Variants in PAFAH1B2 observed in about 807,000 individuals in gnomAD.
The protein encoded by PAFAH1B2 is platelet-activating factor acetylhydrolase IB subunit alpha2.
A neutral mutation model predicts 28.0 loss-of-function variants in PAFAH1B2; 8 were observed. The observed-to-expected ratio is 0.29, with a 90% CI of 0.17 to 0.52. PAFAH1B2 has a LOEUF of 0.52. PAFAH1B2 is among the 20% of genes least tolerant of loss of function. The pLI is 0.97. For missense variants in PAFAH1B2, 190 were observed against 282.6 expected (o/e 0.67, Z 2.35); for synonymous variants, 104 against 103.2 (o/e 1.01, Z -0.05).
At position 117,160,160 on chromosome 11, in the gene PAFAH1B2, A is replaced by G. The variant is rs111874086; in HGVS notation, c.171+137A>G. ...CTAATTGAGGTTATAAGAGAATCAA[A>G]GCTACCTAAAGGGATTTTCTTTTCT... On this transcript the variant is annotated intron_variant, in intron 3 of 5. Coordinates refer to ENST00000527958, the MANE Select transcript of PAFAH1B2 (RefSeq NM_002572.4). 1,833 of 675,626 alleles carry G rather than the reference A, an allele frequency of 2.7e-3. 9 individuals carry two copies. The highest frequency in any genetic ancestry group is 3.9e-3 in the Non-Finnish European group (1,447 of 374,728). The allele number at this position is 675,626 out of a possible 1,614,324, so 41.9% of individuals were successfully genotyped here. A position where few individuals can be genotyped will look rare whatever the true frequency, so the allele number is the denominator to read the frequency against.
Position 117,169,869 on chromosome 11 carries a change from C to T in PAFAH1B2, c.*2170C>T. 1 of 1,054,912 alleles carries T rather than the reference C, an allele frequency of 9.5e-7. No homozygotes were observed. The highest frequency in any genetic ancestry group is 1.1e-6 in the Non-Finnish European group (1 of 872,814). The allele number at this position is 1,054,912 out of a possible 1,614,324, so 65.3% of individuals were successfully genotyped here. Reference sequence around the variant, plus strand: ...AGGTGGGAGTATGGTCCAAATAAATCCATTAGGTTACTCCTGCAGCATGCG... The same window carrying T: ...AGGTGGGAGTATGGTCCAAATAAATTCATTAGGTTACTCCTGCAGCATGCG... On this transcript the variant is annotated 3_prime_UTR_variant, in exon 6 of 6. Transcript: ENST00000527958.
intron 1 of PAFAH1B2, among the ~76,000 whole-genome samples, chr11:117,149,431 T>TG: frequency 3.4e-5 from 1 of 29,578 alleles, no homozygotes; most frequent in Non-Finnish European, 8.7e-5. Context: ...TTTCTAATCG[T>TG]TTTTTTTTTT....
rs1387224083 is a variant in PAFAH1B2, at chr11:117,147,594, G to A, written c.-8+3176G>A. On this transcript the variant is annotated intron_variant, in intron 1 of 5. Coordinates refer to ENST00000527958, the MANE Select transcript of PAFAH1B2 (RefSeq NM_002572.4). ...GCTTTGTTCTTAAAGAGGAGATTGT[G>A]TGAGTTTGTGGCTCAGTTTTTCTTT... Among the ~76,000 whole-genome samples the A allele has an allele frequency of 2.0e-5, 3 of 152,208 alleles. No individual in the cohort carries two copies. The East Asian group carries it at 5.8e-4, about 29-fold the overall frequency.
chr11:117,166,674 T>C (rs1451935719), intron 5 of PAFAH1B2, among the ~76,000 whole-genome samples: 1 of 152,178 alleles, frequency 6.6e-6, no homozygotes, highest in Non-Finnish European at 1.5e-5. Flanking sequence ...TATTCCAGGG[T>C]TATTCCAGGG....
chr11:117,173,405 A>T (rs1273387637), downstream of PAFAH1B2, among the ~76,000 whole-genome samples: 1 of 152,248 alleles, frequency 6.6e-6, no homozygotes, highest in Non-Finnish European at 1.5e-5. Flanking sequence ...TACTTAGGAC[A>T]GTAGAGACCA....
chr11:117,149,429 C>CTTTTTTTTTTTTTTTTTT (rs1565260556), intron 1 of PAFAH1B2, among the ~76,000 whole-genome samples: 2 of 33,516 alleles, frequency 6.0e-5, no homozygotes, highest in African/African-American at 1.1e-4. Flanking sequence ...GTTTTCTAAT[C>CTTTTTTTTTTTTTTTTTT]GTTTTTTTTT....
chr11:117,148,045 C>CTTTTTTTT (rs1046335152), intron 1 of PAFAH1B2, among the ~76,000 whole-genome samples: 1 of 136,830 alleles, frequency 7.3e-6, no homozygotes, highest in African/African-American at 2.7e-5. Context: ...TATCTTTTTT[C>CTTTTTTTT]TTTTTTTTTT....
intron 5 of PAFAH1B2, among the ~76,000 whole-genome samples, chr11:117,166,418 G>A (rs1160362548): frequency 1.3e-5 from 2 of 152,200 alleles, no homozygotes; most frequent in East Asian, 3.9e-4. Flanking sequence ...TGTTAATTAT[G>A]GTGTTGTCCA....
intron 2 of PAFAH1B2, 178 bp from the exon 3 acceptor site, chr11:117,159,753 AAAG>A: frequency 1.9e-6 from 1 of 521,214 alleles, no homozygotes. Flanking sequence ...AAAAAAAAAG[AAAG>A]AAAAAAGTTG....
intron 2 of PAFAH1B2, among the ~76,000 whole-genome samples, chr11:117,152,961 G>A (rs541296716): frequency 6.6e-6 from 1 of 152,270 alleles, no homozygotes; most frequent in South Asian, 2.1e-4. Context: ...AGTTACTGAG[G>A]AGGCTGAGGC....
At chr11:117,167,387 A>G in intron 5 of PAFAH1B2, 34 bp from the exon 6 acceptor site, 2 of 1,504,112 alleles carry the variant, frequency 1.3e-6, no homozygotes, top group South Asian at 1.4e-5. Context: ...AAATAAGTGA[A>G]TCTTCTAATT....
At chr11:117,172,539 A>G (rs746523081), downstream of PAFAH1B2, among the ~76,000 whole-genome samples, 3 of 151,780 alleles carry the variant, frequency 2.0e-5, no homozygotes, top group Non-Finnish European at 4.4e-5. Context: ...AAGCCATTAA[A>G]TGTAACATCT....
At chr11:117,175,263 G>A (rs978575923), downstream of PAFAH1B2, 1 of 1,080,560 alleles carries the variant, frequency 9.3e-7, no homozygotes, top group Middle Eastern at 4.1e-4. Context: ...CATCTCCCCT[G>A]TGTGCTCACA....
Position 117,167,492 on chromosome 11 carries a change from G to T in PAFAH1B2, c.483G>T (p.Lys161Asn). ...ACGCCAAGGTGAACCAACTCCTCAA[G>T]GTTTCGCTGCCGAAGCTTGCCAACG... The part of the protein sequence containing the change: ...QKNAKVNQLL[K>N]VSLPKLANVQ... Residue 161 changes from lysine (K) to asparagine (N), a missense_variant, in exon 6 of 6, where the codon AAG (lysine) becomes AAT (asparagine). Lys to Asn is a moderately conservative substitution (Grantham distance 94). Coordinates refer to ENST00000527958, the MANE Select transcript of PAFAH1B2 (RefSeq NM_002572.4). The T allele has an allele frequency of 6.2e-7, 1 of 1,610,620 alleles. No homozygotes were observed. Among genetic ancestry groups the T allele is most frequent in the Non-Finnish European group, 8.5e-7 (1 of 1,177,994 alleles).
At chr11:117,177,909 T>C (rs1239467117), downstream of PAFAH1B2, among the ~76,000 whole-genome samples, 3 of 152,246 alleles carry the variant, frequency 2.0e-5, no homozygotes, top group African/African-American at 7.2e-5. Context: ...AGCATCATTT[T>C]TGATGCCTTC....
intron 5 of PAFAH1B2, among the ~76,000 whole-genome samples, chr11:117,165,405 T>G (rs1257847836): frequency 1.3e-5 from 2 of 152,056 alleles, no homozygotes; most frequent in African/African-American, 4.8e-5. Flanking sequence ...TGAAACATGT[T>G]TTAGCAAAAT....
Position 117,169,406 on chromosome 11 carries a change from C to T in PAFAH1B2, c.*1707C>T, listed in dbSNP as rs1335829113. ...CCAGGTGGGTATTGAAGTAACCCAT[C>T]AAAATATGCTCTGCAGTGATTCCGC... On this transcript the variant is annotated 3_prime_UTR_variant, in exon 6 of 6. Transcript: ENST00000527958. 9.5e-7 allele frequency: 1 copy of T among 1,052,096 alleles called. No homozygotes were observed. The highest frequency in any genetic ancestry group is 1.1e-6 in the Non-Finnish European group (1 of 871,052). The allele number at this position is 1,052,096 out of a possible 1,614,324, so 65.2% of individuals were successfully genotyped here.
Position 117,170,016 on chromosome 11 carries a change from C to G in PAFAH1B2, c.*2317C>G, listed in dbSNP as rs759885482. The G allele has an allele frequency of 1.9e-6, 2 of 1,055,050 alleles. No homozygotes were observed. Among genetic ancestry groups the G allele is most frequent in the Non-Finnish European group, 2.3e-6 (2 of 873,010 alleles). 65.4% of individuals were successfully genotyped at this position (1,055,050 alleles called of 1,614,324 possible). On this transcript the variant is annotated 3_prime_UTR_variant, in exon 6 of 6. Coordinates refer to ENST00000527958, the MANE Select transcript of PAFAH1B2 (RefSeq NM_002572.4). ...TTTATATCTACCAGAGCTATTCAAG[C>G]AATAGTATTTGAACCACTAGCCTTT...
At chr11:117,154,914 T>C (rs1176996653) in intron 2 of PAFAH1B2, among the ~76,000 whole-genome samples, 3 of 152,206 alleles carry the variant, frequency 2.0e-5, no homozygotes, top group African/African-American at 7.2e-5. Context: ...TGGAGGTTTA[T>C]TCTCTCTGAA....
Sources: allele counts gnomAD v4.1 joint callset (sites outside exome capture counted in the v4.1 genomes callset), GRCh38; gene constraint gnomAD v4.1.1; transcripts MANE v1.5; gene names NCBI Gene and HGNC (gene_info 2026-07-23, HGNC 2026-07-21).